Variants in EPB41L4A observed in about 807,000 individuals in gnomAD.
EPB41L4A encodes band 4.1-like protein 4A.
EPB41L4A carries 100 observed loss-of-function variants against 108.6 expected under a neutral mutation model. The ratio of observed to expected loss-of-function variants is 0.92; its 90% confidence interval spans 0.78 to 1.09. The LOEUF (loss-of-function observed/expected upper bound fraction) is 1.09. EPB41L4A is among the 50% of genes least tolerant of loss of function. EPB41L4A has a pLI of 0.00. For synonymous variants in EPB41L4A, 319 were observed against 289.0 expected (o/e 1.10, Z -1.05); for missense variants, 1,030 against 842.7 (o/e 1.22, Z -2.75).
At chr5:112,200,308 A>G (rs1762158792) in intron 15 of EPB41L4A, among the ~76,000 whole-genome samples, 1 of 152,144 alleles carries the variant, frequency 6.6e-6, no homozygotes, top group Non-Finnish European at 1.5e-5. Context: ...TGGCTCAGTG[A>G]TTCAGCAAAC....
At chr5:112,339,193 C>G (rs1286103548) in intron 1 of EPB41L4A, among the ~76,000 whole-genome samples, 2 of 152,016 alleles carry the variant, frequency 1.3e-5, no homozygotes, top group Non-Finnish European at 2.9e-5. Context: ...GGATGAGATT[C>G]TAATCATCAA....
At chr5:112,367,729 C>T (rs191197832) in intron 1 of EPB41L4A, among the ~76,000 whole-genome samples, 215 of 152,310 alleles carry the variant, frequency 1.4e-3, no homozygotes, top group African/African-American at 5.1e-3. Flanking sequence ...CCTTCCTCTT[C>T]TCAGAAAGAC....
intron 1 of EPB41L4A, chr5:112,392,755 A>G (rs1342982487): frequency 4.6e-5 from 7 of 152,226 alleles, no homozygotes; most frequent in Non-Finnish European, 1.0e-4. Context: ...AGACATCTAC[A>G]GAACTCTCCA....
At chr5:112,226,316 T>C (rs558838824) in intron 12 of EPB41L4A, among the ~76,000 whole-genome samples, 40 of 152,326 alleles carry the variant, frequency 2.6e-4, no homozygotes, top group Non-Finnish European at 4.3e-4. Context: ...AACTCAGAGA[T>C]TGGGGACTTG....
chr5:112,381,413 A>G (rs1760167512), intron 1 of EPB41L4A, among the ~76,000 whole-genome samples: 1 of 152,214 alleles, frequency 6.6e-6, no homozygotes, highest in South Asian at 2.1e-4. Flanking sequence ...TGAGGCTTAG[A>G]AAGGTTAAGT....
At chr5:112,207,755 A>G (rs899289492) in intron 13 of EPB41L4A, among the ~76,000 whole-genome samples, 1 of 152,208 alleles carries the variant, frequency 6.6e-6, no homozygotes, top group African/African-American at 2.4e-5. Flanking sequence ...ACCTATTATT[A>G]AAAAGACAAA....
intron 17 of EPB41L4A, among the ~76,000 whole-genome samples, chr5:112,189,928 G>C (rs759464312): frequency 6.6e-6 from 1 of 152,170 alleles, no homozygotes; most frequent in Non-Finnish European, 1.5e-5. Flanking sequence ...GTTCATCAAA[G>C]GTTTCACTCT....
intron 17 of EPB41L4A, among the ~76,000 whole-genome samples, chr5:112,187,454 T>C (rs917772374): frequency 7.2e-5 from 11 of 152,228 alleles, no homozygotes; most frequent in Admixed American, 3.3e-4. Context: ...ATGTATTTCT[T>C]CCATCTCTTA....
At chr5:112,226,044 T>C (rs1356875656) in intron 12 of EPB41L4A, among the ~76,000 whole-genome samples, 1 of 152,206 alleles carries the variant, frequency 6.6e-6, no homozygotes, top group Non-Finnish European at 1.5e-5. Context: ...GGGCTCCTCA[T>C]GGGGCCTGGC....
At chr5:112,337,669 A>G (rs1382461796) in intron 1 of EPB41L4A, among the ~76,000 whole-genome samples, 1 of 152,192 alleles carries the variant, frequency 6.6e-6, no homozygotes, top group African/African-American at 2.4e-5. Flanking sequence ...ATTTCAATAA[A>G]GCATCTCCTG....
chr5:112,314,536 A>AAAAAAG (rs1755294072), intron 1 of EPB41L4A, among the ~76,000 whole-genome samples: 24 of 113,618 alleles, frequency 2.1e-4, no homozygotes, highest in African/African-American at 7.8e-4. Flanking sequence ...AAAAAAAAAA[A>AAAAAAG]AAGAAAAGAA....
intron 1 of EPB41L4A, among the ~76,000 whole-genome samples, chr5:112,339,542 A>ATCTATATATT (rs371198329): frequency 9.0e-6 from 1 of 110,684 alleles, no homozygotes; most frequent in African/African-American, 2.9e-5. Context: ...ATATATATAT[A>ATCTATATATT]TTTTTTTTTT....
In EPB41L4A at chr5:112,317,106, A is replaced by G. The variant is rs184734853; in HGVS notation, c.100-9616T>C. The stretch of plus-strand genomic sequence containing the variant: ...CCCATCTCTTGATAGGAGGAATGAC[A>G]TGAACATATAGTGAGCGACTGGAAG... On this transcript the variant is annotated intron_variant, in intron 1 of 22. Coordinates refer to ENST00000261486, the MANE Select transcript of EPB41L4A (RefSeq NM_022140.5). 1.1e-3 allele frequency among the ~76,000 whole-genome samples: 170 copies of G among 152,344 alleles called. 1 individual carries two copies. Among genetic ancestry groups the G allele is most frequent in the Non-Finnish European group, 1.6e-3 (112 of 68,032 alleles).
chr5:112,160,894 G>T (rs865986016), downstream of EPB41L4A: 8 of 156,322 alleles, frequency 5.1e-5, 1 homozygote, highest in Admixed American at 2.0e-4. Flanking sequence ...AGCTTGCTGT[G>T]GTTTTTGCTC....
At chr5:112,158,895 T>G (rs1241122506), downstream of EPB41L4A, among the ~76,000 whole-genome samples, 2 of 152,170 alleles carry the variant, frequency 1.3e-5, no homozygotes, top group Non-Finnish European at 2.9e-5. Context: ...TCACTGACTT[T>G]CCCTAGCAAG....
intron 8 of EPB41L4A, 67 bp from the exon 9 acceptor site, chr5:112,259,359 T>C: frequency 1.5e-6 from 2 of 1,346,012 alleles, no homozygotes; most frequent in Non-Finnish European, 1.1e-6. Context: ...ATCAGGGAAG[T>C]ATCCAGTGGA....
In EPB41L4A at chr5:112,206,273, G is replaced by A. The variant is rs74550390; in HGVS notation, c.1179-769C>T. The stretch of plus-strand genomic sequence containing the variant: ...TCCACTTTTAACCCTGGCTTTTTGA[G>A]GAATCCTCTGTATAACTGTCCTAGG... On this transcript the variant is annotated intron_variant, in intron 13 of 22. Coordinates refer to ENST00000261486, the MANE Select transcript of EPB41L4A (RefSeq NM_022140.5). Among the ~76,000 whole-genome samples, 76 of 151,918 alleles carry A rather than the reference G, an allele frequency of 5.0e-4. 1 individual carries two copies. The highest frequency in any genetic ancestry group is 1.8e-3 in the African/African-American group (75 of 41,420).
Position 112,264,893 on chromosome 5 carries a change from T to G in EPB41L4A, c.554+3A>C. On this transcript the variant is annotated splice_donor_region_variant and intron_variant, in intron 6 of 22. Transcript: ENST00000261486. ...CAATAAGACATGGTGTAATGATTCT[T>G]ACATTAGAGTTTTATGAATCCTTTC... 1 of 1,609,072 alleles carries G rather than the reference T, an allele frequency of 6.2e-7. No individual in the cohort carries two copies. The highest frequency in any genetic ancestry group is 8.5e-7 in the Non-Finnish European group (1 of 1,178,602).
At chr5:112,210,539 A>T in intron 12 of EPB41L4A, among the ~76,000 whole-genome samples, 1 of 152,218 alleles carries the variant, frequency 6.6e-6, no homozygotes, top group East Asian at 1.9e-4. Flanking sequence ...ATTCCTAAAA[A>T]TCTGAAACTG....
Sources: gnomAD v4.1 joint callset for allele counts (sites outside exome capture counted in the v4.1 genomes callset) on GRCh38, gnomAD v4.1.1 for gene constraint, MANE v1.5 for transcripts, NCBI Gene and HGNC (gene_info 2026-07-23, HGNC 2026-07-21) for gene names.